TNFSF4: variants seen among roughly 807,000 people sequenced by gnomAD.
The protein encoded by TNFSF4 is tumor necrosis factor ligand superfamily member 4.
A neutral mutation model predicts 7.3 loss-of-function variants in TNFSF4; 4 were observed. The ratio of observed to expected loss-of-function variants is 0.55; its 90% confidence interval spans 0.27 to 1.25. The LOEUF is 1.25. TNFSF4 is among the 50% of genes most tolerant of loss of function. The pLI is 0.12. For missense variants in TNFSF4, 181 were observed against 208.8 expected, an observed-to-expected ratio of 0.87 and a Z score of 0.82; for synonymous variants, 76 against 83.7, an observed-to-expected ratio of 0.91 and a Z score of 0.50.
At chr1:173,196,968 TC>T (rs1649731016) in intron 1 of TNFSF4, among the ~76,000 whole-genome samples, 2 of 152,190 alleles carry the variant, frequency 1.3e-5, no homozygotes, top group African/African-American at 4.8e-5. Context: ...TTGCCATACC[TC>T]CTACCATGTC....
chr1:173,190,348 C>T (rs1649423153), intron 1 of TNFSF4, among the ~76,000 whole-genome samples: 2 of 152,222 alleles, frequency 1.3e-5, no homozygotes, highest in Non-Finnish European at 2.9e-5. Context: ...TCTCCTGGCA[C>T]ACTGGTAGCT....
At chr1:173,227,113 T>G in the TNFSF4 span, among the ~76,000 whole-genome samples, 3 of 28,906 alleles carry the variant, frequency 1.0e-4, no homozygotes, top group African/African-American at 1.8e-3. Flanking sequence ...TATTCTTTTG[T>G]TTTTTTTTTT....
chr1:173,447,222 GA>G, the TNFSF4 span, among the ~76,000 whole-genome samples: 1 of 152,216 alleles, frequency 6.6e-6, no homozygotes, highest in Non-Finnish European at 1.5e-5. Context: ...GTGATTGCCA[GA>G]GTTTAGCAGG....
At chr1:173,176,711 A>G in the TNFSF4 span, among the ~76,000 whole-genome samples, 5 of 152,208 alleles carry the variant, frequency 3.3e-5, no homozygotes, top group African/African-American at 1.2e-4. Flanking sequence ...TAGCAAAGAC[A>G]TGGAATCAAC....
At chr1:173,265,137 A>G in the TNFSF4 span, among the ~76,000 whole-genome samples, 1 of 152,170 alleles carries the variant, frequency 6.6e-6, no homozygotes, top group Non-Finnish European at 1.5e-5. Flanking sequence ...AGAAGTTTTT[A>G]CTCCCCAATG....
At chr1:173,262,018 G>C in the TNFSF4 span, among the ~76,000 whole-genome samples, 2 of 152,084 alleles carry the variant, frequency 1.3e-5, no homozygotes, top group Admixed American at 1.3e-4. Context: ...ACCTGGCAAA[G>C]ATACAACAAA....
the TNFSF4 span, among the ~76,000 whole-genome samples, chr1:173,426,294 A>C: frequency 6.6e-6 from 1 of 152,204 alleles, no homozygotes; most frequent in African/African-American, 2.4e-5. Flanking sequence ...TGGGAACTTC[A>C]GAAAAATTTT....
chr1:173,399,750 C>T, the TNFSF4 span, among the ~76,000 whole-genome samples: 1 of 152,224 alleles, frequency 6.6e-6, no homozygotes, highest in Non-Finnish European at 1.5e-5. Context: ...CCAACCACCC[C>T]TGTCATCACC....
Position 173,186,407 on chromosome 1 carries a change from C to T in TNFSF4, c.*109G>A, listed in dbSNP as rs1288705079. The T allele has an allele frequency of 1.7e-5, 15 of 872,934 alleles. No individual in the cohort carries two copies. Among genetic ancestry groups the T allele is most frequent in the Non-Finnish European group, 1.9e-5 (11 of 572,898 alleles). The allele number at this position is 872,934 out of a possible 1,614,324, so 54.1% of individuals were successfully genotyped here. A position where few individuals can be genotyped will look rare whatever the true frequency, so the allele number is the denominator to read the frequency against. ...AGGATCTGCTTCTTGTCACATCCCA[C>T]GTGGCTGAGCTGGGAGGCTCCTTCA... is the stretch of plus-strand genomic sequence containing the variant. On this transcript the variant is annotated 3_prime_UTR_variant, in exon 3 of 3. Transcript: ENST00000281834.
the TNFSF4 span, among the ~76,000 whole-genome samples, chr1:173,263,307 A>G: frequency 1.9e-4 from 29 of 152,240 alleles, no homozygotes; most frequent in Non-Finnish European, 4.0e-4. Context: ...GAACCAAAAA[A>G]TAGCCCAAAT....
chr1:173,193,432 GA>G (rs1557881118), intron 1 of TNFSF4, among the ~76,000 whole-genome samples: 1 of 151,914 alleles, frequency 6.6e-6, no homozygotes, highest in Non-Finnish European at 1.5e-5. Context: ...TTAGAAGCAT[GA>G]AAAAAATGCA....
Position 173,186,258 on chromosome 1 carries a change from T to C in TNFSF4, c.*258A>G. On this transcript the variant is annotated 3_prime_UTR_variant, in exon 3 of 3. Transcript: ENST00000281834. ...ATTTTTTCTTTCTCACAAAGGTGCCTAGTAGGCTCAAGGCAATCTTGGGGT... is the reference window on the plus strand; with the variant it reads ...ATTTTTTCTTTCTCACAAAGGTGCCCAGTAGGCTCAAGGCAATCTTGGGGT... 1 of 388,616 alleles carries C rather than the reference T, an allele frequency of 2.6e-6. No homozygotes were observed. Among genetic ancestry groups the C allele is most frequent in the East Asian group, 3.9e-5 (1 of 25,324 alleles). 24.1% of individuals were successfully genotyped at this position (388,616 alleles called of 1,614,324 possible). A position where few individuals can be genotyped will look rare whatever the true frequency, so the allele number is the denominator to read the frequency against.
At chr1:173,326,211 C>T in the TNFSF4 span, among the ~76,000 whole-genome samples, 1 of 152,262 alleles carries the variant, frequency 6.6e-6, no homozygotes, top group East Asian at 1.9e-4. Flanking sequence ...GCTGGTTCAA[C>T]ATATGAAAAT....
At chr1:173,394,725 T>G in the TNFSF4 span, among the ~76,000 whole-genome samples, 1 of 152,116 alleles carries the variant, frequency 6.6e-6, no homozygotes, top group African/African-American at 2.4e-5. Flanking sequence ...CCCCTGCTTC[T>G]GAGGTTTTCA....
At chr1:173,217,703 C>A in the TNFSF4 span, among the ~76,000 whole-genome samples, 1 of 152,124 alleles carries the variant, frequency 6.6e-6, no homozygotes, top group African/African-American at 2.4e-5. Context: ...GTAAATAAAA[C>A]ACTATTACAA....
chr1:173,186,448 C>A lies in TNFSF4; in HGVS notation c.*68G>T. ...GGCTCCTTCACTTGCAATGAAGAATCCATGCCCTGTCCACCCCCAGCTTGG... is the reference window on the plus strand; with the variant it reads ...GGCTCCTTCACTTGCAATGAAGAATACATGCCCTGTCCACCCCCAGCTTGG... On this transcript the variant is annotated 3_prime_UTR_variant, in exon 3 of 3. Transcript: ENST00000281834. The A allele has an allele frequency of 7.5e-7, 1 of 1,336,552 alleles. No individual in the cohort carries two copies. The highest frequency in any genetic ancestry group is 1.4e-5 in the South Asian group (1 of 73,052). The allele number at this position is 1,336,552 out of a possible 1,614,324, so 82.8% of individuals were successfully genotyped here.
chr1:173,382,663 T>A, the TNFSF4 span, among the ~76,000 whole-genome samples: 4 of 152,324 alleles, frequency 2.6e-5, no homozygotes, highest in East Asian at 7.7e-4. Context: ...GTGTTCCTCT[T>A]CAAATACTTG....
chr1:173,366,877 T>A, the TNFSF4 span, among the ~76,000 whole-genome samples: 4 of 152,200 alleles, frequency 2.6e-5, no homozygotes, highest in African/African-American at 9.7e-5. Flanking sequence ...TGATGCAGTA[T>A]AACTATATAT....
At chr1:173,232,801 G>C in the TNFSF4 span, among the ~76,000 whole-genome samples, 1 of 152,134 alleles carries the variant, frequency 6.6e-6, no homozygotes, top group African/African-American at 2.4e-5. Flanking sequence ...AACCAGCCTT[G>C]CATCCCAGGG....
Sources: allele counts gnomAD v4.1 joint callset (sites outside exome capture counted in the v4.1 genomes callset), GRCh38; gene constraint gnomAD v4.1.1; transcripts MANE v1.5; gene names NCBI Gene and HGNC (gene_info 2026-07-23, HGNC 2026-07-21).